Variants in BLOC1S5 observed in about 807,000 individuals in gnomAD.
BLOC1S5 encodes biogenesis of lysosome-related organelles complex 1 subunit 5.
BLOC1S5 carries 27 observed loss-of-function variants against 24.3 expected under a neutral mutation model. The observed-to-expected ratio is 1.11, with a 90% CI of 0.82 to 1.53. BLOC1S5 has a LOEUF of 1.53. Among genes scored for constraint, BLOC1S5 ranks in the 40% most tolerant of loss-of-function variants. BLOC1S5 has a pLI of 0.00. For missense variants in BLOC1S5, 239 were observed against 229.4 expected (o/e 1.04, Z -0.27); for synonymous variants, 84 against 74.5 (o/e 1.13, Z -0.66).
chr6:8,027,473 A>G (rs1437819532), intron 3 of BLOC1S5: 6 of 455,430 alleles, frequency 1.3e-5, no homozygotes, highest in Non-Finnish European at 2.6e-5. Context: ...CACAGTACAT[A>G]CTATGCTTAA....
chr6:8,055,415 A>C (rs1420863520), intron 2 of BLOC1S5, among the ~76,000 whole-genome samples: 1 of 152,192 alleles, frequency 6.6e-6, no homozygotes, highest in Non-Finnish European at 1.5e-5. Flanking sequence ...AGCCCGGGAG[A>C]AGAGTAAGAC....
At chr6:8,037,403 C>T (rs1398502207) in intron 3 of BLOC1S5, among the ~76,000 whole-genome samples, 1 of 151,988 alleles carries the variant, frequency 6.6e-6, no homozygotes, top group Non-Finnish European at 1.5e-5. Context: ...AAATACCTAG[C>T]AATCAACTGA....
intron 3 of BLOC1S5, among the ~76,000 whole-genome samples, chr6:8,027,865 A>G (rs946926506): frequency 2.0e-5 from 3 of 152,008 alleles, no homozygotes; most frequent in African/African-American, 7.2e-5. Flanking sequence ...AGAACTGCTC[A>G]TTGTCACCAA....
chr6:8,029,712 C>T (rs2815132), intron 3 of BLOC1S5, among the ~76,000 whole-genome samples: 61,592 of 151,882 alleles, frequency 0.41, 13,919 homozygotes, highest in East Asian at 0.77. Flanking sequence ...CCCACACTAA[C>T]GAGATATCCC....
At chr6:8,052,961 G>A (rs1360610142) in intron 2 of BLOC1S5, among the ~76,000 whole-genome samples, 1 of 151,768 alleles carries the variant, frequency 6.6e-6, no homozygotes, top group Non-Finnish European at 1.5e-5. Context: ...AATAATACTT[G>A]AACAGATGAG....
At chr6:8,057,790 TTAAA>T (rs1168469301) in intron 2 of BLOC1S5, among the ~76,000 whole-genome samples, 2 of 152,356 alleles carry the variant, frequency 1.3e-5, no homozygotes, top group East Asian at 1.9e-4. Flanking sequence ...TATTGCACTA[TTAAA>T]TACTTTTCTT....
chr6:8,063,944 C>T (rs895947474), intron 1 of BLOC1S5, among the ~76,000 whole-genome samples: 3 of 152,228 alleles, frequency 2.0e-5, no homozygotes, highest in African/African-American at 7.2e-5. Flanking sequence ...GGTCCAATGC[C>T]CTTTCCACTA....
intron 4 of BLOC1S5, among the ~76,000 whole-genome samples, chr6:8,018,867 T>C (rs141840247): frequency 1.3e-5 from 2 of 152,372 alleles, no homozygotes; most frequent in Admixed American, 6.5e-5. Flanking sequence ...AACAGATTAT[T>C]GTAATAATTC....
At chr6:8,019,607 A>AG (rs34841856) in intron 4 of BLOC1S5, among the ~76,000 whole-genome samples, 41,077 of 144,532 alleles carry the variant, frequency 0.28, 6,256 homozygotes, top group Non-Finnish European at 0.34. Context: ...TAAAGAAAAA[A>AG]GGGGGGGGGG....
At chr6:8,063,088 G>T (rs1186208816) in intron 1 of BLOC1S5, among the ~76,000 whole-genome samples, 1 of 151,960 alleles carries the variant, frequency 6.6e-6, no homozygotes, top group Admixed American at 6.6e-5. Flanking sequence ...GTTTCAGAAG[G>T]ATTAAAGCAA....
chr6:8,040,186 A>G (rs941375058), intron 3 of BLOC1S5, among the ~76,000 whole-genome samples: 2 of 152,212 alleles, frequency 1.3e-5, no homozygotes, highest in Non-Finnish European at 2.9e-5. Flanking sequence ...TAGTTCCTCC[A>G]ATTATTATTG....
rs746906299 is a variant in BLOC1S5, at chr6:8,026,384, C to G, written c.367G>C (p.Glu123Gln). ...NDSVCRLQQREQERKKIHSDH... is the reference protein window; with the variant it reads ...NDSVCRLQQRQQERKKIHSDH... The stretch of plus-strand genomic sequence containing the variant: ...TCTTTTACCTTTTTTCGTTCCTGTT[C>G]CCTCTGTTGGAGTCTACAGACTGAG... The change falls in exon 4 of 5, where the codon GAA becomes CAA. Residue 123 changes from glutamate (E) to glutamine (Q), a missense_variant. Coordinates refer to ENST00000397457, the MANE Select transcript of BLOC1S5 (RefSeq NM_201280.3). 1 of 1,612,740 alleles carries G rather than the reference C, an allele frequency of 6.2e-7. No individual in the cohort carries two copies. Among genetic ancestry groups the G allele is most frequent in the Non-Finnish European group, 8.5e-7 (1 of 1,179,144 alleles).
At chr6:8,054,356 A>G (rs1764242128) in intron 2 of BLOC1S5, 1 of 393,408 alleles carries the variant, frequency 2.5e-6, no homozygotes. Context: ...GCCTTTAACT[A>G]TGGTTTAGTC....
At chr6:8,026,912 T>C (rs1763127129) in intron 3 of BLOC1S5, among the ~76,000 whole-genome samples, 1 of 152,232 alleles carries the variant, frequency 6.6e-6, no homozygotes, top group South Asian at 2.1e-4. Context: ...CCAAGATCTA[T>C]GTATTATCCC....
intron 2 of BLOC1S5, chr6:8,041,966 C>G (rs1331198803): frequency 6.6e-6 from 1 of 152,182 alleles, no homozygotes; most frequent in Non-Finnish European, 1.5e-5. Context: ...TAATTACTTT[C>G]TAAGATATCC....
chr6:8,022,786 G>A (rs112976291), intron 4 of BLOC1S5, among the ~76,000 whole-genome samples: 18,677 of 141,378 alleles, frequency 0.13, 1,743 homozygotes, highest in Non-Finnish European at 0.18. Flanking sequence ...GGGTTTCACC[G>A]TTTTAGCCGG....
At chr6:8,037,146 G>A (rs1457684492) in intron 3 of BLOC1S5, among the ~76,000 whole-genome samples, 1 of 152,194 alleles carries the variant, frequency 6.6e-6, no homozygotes, top group African/African-American at 2.4e-5. Flanking sequence ...AATTAGGCAA[G>A]AAATAAGGGC....
At chr6:8,027,482 A>G (rs1763147995) in intron 3 of BLOC1S5, 2 of 453,754 alleles carry the variant, frequency 4.4e-6, no homozygotes, top group South Asian at 1.6e-5. Context: ...TACTATGCTT[A>G]AAAGTAAATC....
intron 3 of BLOC1S5, among the ~76,000 whole-genome samples, chr6:8,030,854 A>C (rs1763270922): frequency 6.9e-6 from 1 of 144,936 alleles, no homozygotes; most frequent in East Asian, 2.0e-4. Flanking sequence ...CCTGAGCAAC[A>C]GACCAACAGT....
Sources: gnomAD v4.1 joint callset for allele counts (sites outside exome capture counted in the v4.1 genomes callset) on GRCh38, gnomAD v4.1.1 for gene constraint, MANE v1.5 for transcripts, NCBI Gene and HGNC (gene_info 2026-07-23, HGNC 2026-07-21) for gene names.